ENPP1: variants seen among roughly 807,000 people sequenced by gnomAD.
ENPP1 encodes the protein ectonucleotide pyrophosphatase/phosphodiesterase 1.
A neutral mutation model predicts 122.8 loss-of-function variants in ENPP1; 73 were observed. The observed-to-expected ratio is 0.59, with a 90% confidence interval of 0.49 to 0.72. The LOEUF is 0.72. ENPP1 is among the 30% of genes least tolerant of loss of function. ENPP1 has a pLI of 0.00. For missense variants in ENPP1, 978 were observed against 1,128.1 expected (o/e 0.87, Z 1.91); for synonymous variants, 367 against 391.6 (o/e 0.94, Z 0.74).
At chr6:131,813,391 A>G (rs942843410) in intron 1 of ENPP1, among the ~76,000 whole-genome samples, 2 of 151,922 alleles carry the variant, frequency 1.3e-5, no homozygotes, top group Non-Finnish European at 2.9e-5. Flanking sequence ...TTAGCAGGGC[A>G]TGGTAGTACA....
chr6:131,860,681 C>T (rs958014887), intron 8 of ENPP1, among the ~76,000 whole-genome samples, 175 bp downstream of exon 8: 2 of 152,004 alleles, frequency 1.3e-5, no homozygotes, highest in African/African-American at 4.8e-5. Flanking sequence ...TGTATAATTG[C>T]GTAAAAGGAG....
chr6:131,875,082 G>A (rs554665973), intron 16 of ENPP1, among the ~76,000 whole-genome samples: 1 of 152,248 alleles, frequency 6.6e-6, no homozygotes, highest in African/African-American at 2.4e-5. Context: ...GGAGGAGTGT[G>A]AGGGATGAAA....
chr6:131,855,626 T>A (rs1347398226), intron 6 of ENPP1, among the ~76,000 whole-genome samples: 1 of 152,186 alleles, frequency 6.6e-6, no homozygotes, highest in Non-Finnish European at 1.5e-5. Flanking sequence ...ATGCCTGGCC[T>A]TATTTTACAG....
intron 24 of ENPP1, among the ~76,000 whole-genome samples, chr6:131,888,264 C>A (rs1381150596): frequency 6.8e-6 from 1 of 147,170 alleles, no homozygotes; most frequent in African/African-American, 2.6e-5. Context: ...TGAAGTGACA[C>A]CAAGTAAGTC....
At chr6:131,857,059 G>T (rs1447523450) in intron 6 of ENPP1, among the ~76,000 whole-genome samples, 1 of 152,102 alleles carries the variant, frequency 6.6e-6, no homozygotes, top group Non-Finnish European at 1.5e-5. Flanking sequence ...GGATGGCATT[G>T]AATCTGTAAA....
intron 22 of ENPP1, among the ~76,000 whole-genome samples, chr6:131,884,225 G>A (rs1179251014): frequency 4.6e-5 from 7 of 152,080 alleles, no homozygotes; most frequent in Non-Finnish European, 1.0e-4. Flanking sequence ...AAGCATATAA[G>A]GAGTTTTTAG....
Position 131,890,705 on chromosome 6 carries a change from A to G in ENPP1, c.*194A>G, listed in dbSNP as rs1782458165. On this transcript the variant is annotated 3_prime_UTR_variant, in exon 25 of 25. Transcript: ENST00000647893. ...AGAGTGTTCCTGTTGAATCTTGCAC[A>G]TATTTGAATGTGTAAGCATTGTATA... is the stretch of plus-strand genomic sequence containing the variant. 8.2e-6 allele frequency: 5 copies of G among 612,832 alleles called. No individual in the cohort carries two copies. Among genetic ancestry groups the G allele is most frequent in the African/African-American group, 5.5e-5 (3 of 54,108 alleles). 38.0% of individuals were successfully genotyped at this position (612,832 alleles called of 1,614,324 possible). A position where few individuals can be genotyped will look rare whatever the true frequency, so the allele number is the denominator to read the frequency against.
At chr6:131,858,391 T>C (rs565777795) in intron 6 of ENPP1, among the ~76,000 whole-genome samples, 2 of 152,354 alleles carry the variant, frequency 1.3e-5, no homozygotes, top group African/African-American at 4.8e-5. Context: ...CAAGCATCAT[T>C]TTATTATAAC....
intron 19 of ENPP1, 134 bp downstream of exon 19, chr6:131,878,727 G>A (rs2114722566): frequency 2.7e-6 from 2 of 728,326 alleles, no homozygotes; most frequent in Non-Finnish European, 4.9e-6. Flanking sequence ...AGGACCACCT[G>A]ATGAAACATA....
intron 1 of ENPP1, among the ~76,000 whole-genome samples, chr6:131,815,714 T>G (rs1484720961): frequency 6.6e-6 from 1 of 151,992 alleles, no homozygotes; most frequent in East Asian, 1.9e-4. Flanking sequence ...CTTTTTTTTT[T>G]TTTTGAAACG....
At chr6:131,857,645 T>A (rs1175958595) in intron 6 of ENPP1, among the ~76,000 whole-genome samples, 2 of 151,446 alleles carry the variant, frequency 1.3e-5, no homozygotes, top group East Asian at 3.9e-4. Flanking sequence ...CTCTGGGGAC[T>A]GTTGTGGGGT....
chr6:131,872,756 T>G (rs1053432958), intron 14 of ENPP1, among the ~76,000 whole-genome samples, 167 bp from the exon 15 acceptor site: 4 of 152,132 alleles, frequency 2.6e-5, no homozygotes, highest in African/African-American at 9.7e-5. Context: ...GAAATGTTTG[T>G]GAAAAAAAAT....
intron 1 of ENPP1, among the ~76,000 whole-genome samples, chr6:131,839,792 A>G (rs2114680071): frequency 6.6e-6 from 1 of 152,264 alleles, no homozygotes; most frequent in Middle Eastern, 3.4e-3. Context: ...ATTCTTCTAA[A>G]TCATGGCTGT....
In ENPP1 at chr6:131,830,387, C is replaced by T. The variant is rs552913202; in HGVS notation, c.241-17389C>T. ...GAAGGAGGAGAGACTTTGGGCAAAG[C>T]GGCTGTCTTTAGCTGAGACACTCCC... On this transcript the variant is annotated intron_variant, in intron 1 of 24. Coordinates refer to ENST00000647893, the MANE Select transcript of ENPP1 (RefSeq NM_006208.3). Among the ~76,000 whole-genome samples the T allele has an allele frequency of 1.2e-4, 18 of 152,256 alleles. 1 individual carries two copies. In the South Asian group the frequency reaches 2.7e-3, roughly 23 times the overall value.
chr6:131,849,461 G>A (rs901939392), intron 2 of ENPP1, among the ~76,000 whole-genome samples: 4 of 152,176 alleles, frequency 2.6e-5, no homozygotes, highest in African/African-American at 7.2e-5. Context: ...AGGGAGGGAA[G>A]AGCTATGCCA....
chr6:131,823,388 A>G (rs1781505632), intron 1 of ENPP1, among the ~76,000 whole-genome samples: 1 of 151,992 alleles, frequency 6.6e-6, no homozygotes, highest in South Asian at 2.1e-4. Context: ...TATTAAGGAG[A>G]TTGTAGGGCT....
At chr6:131,820,096 C>G in intron 1 of ENPP1, 1 of 464,870 alleles carries the variant, frequency 2.2e-6, no homozygotes, top group Admixed American at 2.8e-5. Context: ...AACCATCTTG[C>G]CCCCCTTCCC....
chr6:131,832,791 G>C (rs557724317), intron 1 of ENPP1, among the ~76,000 whole-genome samples: 15 of 152,264 alleles, frequency 9.9e-5, no homozygotes, highest in African/African-American at 3.6e-4. Flanking sequence ...TGGTCTCTGT[G>C]CACGGAATGG....
chr6:131,888,164 T>C (rs1193508807), intron 24 of ENPP1, among the ~76,000 whole-genome samples: 6 of 152,136 alleles, frequency 3.9e-5, no homozygotes, highest in Admixed American at 3.3e-4. Context: ...GCCCGGCCCA[T>C]TTTAGCAATT....
Sources: gnomAD v4.1 joint callset for allele counts (sites outside exome capture counted in the v4.1 genomes callset) on GRCh38, gnomAD v4.1.1 for gene constraint, MANE v1.5 for transcripts, NCBI Gene and HGNC (gene_info 2026-07-23, HGNC 2026-07-21) for gene names.